The following EFHB variants were observed in gnomAD, a reference collection of about 807,000 sequenced individuals.
EFHB encodes the protein EF-hand domain family member B, also known as EF-hand domain-containing family member B.
In EFHB, 91 loss-of-function variants were observed where a neutral mutation model predicts 87.2. The ratio of observed to expected loss-of-function variants is 1.04; its 90% CI spans 0.88 to 1.24. EFHB has a LOEUF of 1.24. Ranked by LOEUF, EFHB falls within the 50% of genes most tolerant of loss-of-function variation. The pLI is 0.00. For missense variants in EFHB, 1,084 were observed against 998.8 expected (o/e 1.09, Z -1.15); for synonymous variants, 325 against 333.6 (o/e 0.97, Z 0.28).
upstream of EFHB, among the ~76,000 whole-genome samples, chr3:19,935,835 C>A (rs1177146427): frequency 6.6e-6 from 1 of 151,480 alleles, no homozygotes; most frequent in Non-Finnish European, 1.5e-5. Flanking sequence ...CATGGTGAAA[C>A]CCCGTTTCTA....
intron 7 of EFHB, 100 bp from the exon 8 acceptor site, chr3:19,898,945 C>G (rs1694576953): frequency 3.4e-6 from 4 of 1,160,658 alleles, no homozygotes; most frequent in Non-Finnish European, 5.0e-6. Flanking sequence ...CATATTTTAT[C>G]TCATAACCAA....
rs535019143 is a variant in EFHB at position 19,915,212 on chromosome 3, A to G, written c.1288+91T>C. 8 of 741,580 alleles carry G rather than the reference A, an allele frequency of 1.1e-5. No homozygotes were observed. The East Asian group carries it at 2.1e-4, about 20-fold the overall frequency. The allele number at this position is 741,580 out of a possible 1,614,324, so 45.9% of individuals were successfully genotyped here. A position where few individuals can be genotyped will look rare whatever the true frequency, so the allele number is the denominator to read the frequency against. ...ATTAGTTACCTATTACATGGCAGGC[A>G]TTTAACTTTATGTACCAATTTCCTT... is the stretch of plus-strand genomic sequence containing the variant. On this transcript the variant is annotated intron_variant, in intron 5 of 12. Transcript: ENST00000295824.
Position 19,918,296 on chromosome 3 carries a change from T to C in EFHB, c.1113A>G (p.Gln371=). 1 of 1,613,706 alleles carries C rather than the reference T, an allele frequency of 6.2e-7. No homozygotes were observed. The highest frequency in any genetic ancestry group is 8.5e-7 in the Non-Finnish European group (1 of 1,179,816). The part of the protein sequence containing the change: ...RRAPLGKSHD[Q]APGLPKGMDT... ...CCATGCCTTTTGGTAATCCTGGTGCTTGATCGTGAGATTTTCCTAATGGTG... is the reference window on the plus strand; with the variant it reads ...CCATGCCTTTTGGTAATCCTGGTGCCTGATCGTGAGATTTTCCTAATGGTG... The change falls in exon 4 of 13, where the codon CAA becomes CAG. Residue 371 remains glutamine, a synonymous_variant. Coordinates refer to ENST00000295824, the MANE Select transcript of EFHB (RefSeq NM_144715.4).
intron 1 of EFHB, among the ~76,000 whole-genome samples, chr3:19,926,994 C>A (rs1695654260): frequency 6.6e-6 from 1 of 151,984 alleles, no homozygotes; most frequent in African/African-American, 2.4e-5. Context: ...CTCACTCTGT[C>A]AACCAGGCTG....
chr3:19,884,667 T>C, intron 10 of EFHB, 52 bp from the exon 11 acceptor site: 1 of 1,534,592 alleles, frequency 6.5e-7, no homozygotes, highest in Non-Finnish European at 8.9e-7. Context: ...TACTACTTAG[T>C]GCTTGCTGCT....
rs933160713 is a variant in EFHB, at chr3:19,933,493, T to C, written c.526A>G (p.Thr176Ala). 1 of 1,613,836 alleles carries C rather than the reference T, an allele frequency of 6.2e-7. No individual in the cohort carries two copies. The highest frequency in any genetic ancestry group is 8.5e-7 in the Non-Finnish European group (1 of 1,179,896). The stretch of plus-strand genomic sequence containing the variant: ...GTGTTGGGTTTCATTAAAACACAGG[T>C]AGACTCTTTTTCCATTTCCTGTCTT... ...EPRQEMEKES[T>A]CVLMKPNTEI... is the part of the protein sequence containing the mutation. Residue 176 changes from threonine to alanine, a missense_variant, in exon 1 of 13, where the codon ACC becomes GCC. Thr to Ala is a moderately conservative substitution (Grantham distance 58, BLOSUM62 0). Transcript: ENST00000295824.
chr3:19,931,371 A>C (rs1284017570), intron 1 of EFHB, among the ~76,000 whole-genome samples: 1 of 152,224 alleles, frequency 6.6e-6, no homozygotes, highest in Non-Finnish European at 1.5e-5. Flanking sequence ...CCTGTGCTGG[A>C]AACTGGAAGC....
chr3:19,896,905 TA>T, intron 8 of EFHB, 64 bp from the exon 9 acceptor site: 5 of 1,422,024 alleles, frequency 3.5e-6, no homozygotes, highest in Admixed American at 2.7e-5. Flanking sequence ...TTCTATCTTT[TA>T]AAAAAAGTGA....
In EFHB at chr3:19,898,795, A is replaced by G; in HGVS notation, c.1553T>C (p.Leu518Pro). The change falls in exon 8 of 13, where the codon CTC becomes CCC. Residue 518 changes from leucine (L) to proline (P), a missense_variant. Leu to Pro is a moderately conservative substitution (Grantham distance 98, BLOSUM62 -3). Coordinates refer to ENST00000295824, the MANE Select transcript of EFHB (RefSeq NM_144715.4). ...ATATTTACCATATTCCTCAGGACGG[A>G]GACAAGCTCCAAATGTGCAGTCTGG... ...VPPDCTFGAC[L>P]RPEEYGVGDL... is the part of the protein sequence containing the mutation. The G allele has an allele frequency of 1.2e-6, 2 of 1,613,784 alleles. No homozygotes were observed. Among genetic ancestry groups the G allele is most frequent in the African/African-American group, 1.3e-5 (1 of 75,052 alleles).
chr3:19,928,729 G>GCCAC (rs1397834807), intron 1 of EFHB, among the ~76,000 whole-genome samples: 1 of 152,176 alleles, frequency 6.6e-6, no homozygotes, highest in Non-Finnish European at 1.5e-5. Context: ...TCAGGGGTGA[G>GCCAC]CCACCGTGCC....
At position 19,882,734 on chromosome 3, in the gene EFHB, A is replaced by T. The variant is rs1246785682; in HGVS notation, c.2147-3T>A. The T allele has an allele frequency of 3.1e-6, 5 of 1,608,830 alleles. No individual in the cohort carries two copies. The highest frequency in any genetic ancestry group is 4.2e-6 in the Non-Finnish European group (5 of 1,176,746). On this transcript the variant is annotated splice_polypyrimidine_tract_variant and splice_region_variant and intron_variant, in intron 11 of 12. Transcript: ENST00000295824. ...TGGAACACCACAAATGGGGTAACCTAGGTCATTGATGAGGGAAGAAAACAG... is the reference window on the plus strand; with the variant it reads ...TGGAACACCACAAATGGGGTAACCTTGGTCATTGATGAGGGAAGAAAACAG...
intron 5 of EFHB, among the ~76,000 whole-genome samples, chr3:19,910,627 A>C (rs761380219): frequency 6.6e-6 from 1 of 152,198 alleles, no homozygotes; most frequent in Non-Finnish European, 1.5e-5. Context: ...CCAGAGGTTG[A>C]GTACAGCAGG....
intron 1 of EFHB, among the ~76,000 whole-genome samples, chr3:19,924,221 T>C (rs1267973670): frequency 6.6e-6 from 1 of 151,650 alleles, no homozygotes; most frequent in African/African-American, 2.4e-5. Context: ...TCTCTCTTTT[T>C]TTTTTTTTTT....
chr3:19,898,711 C>G (rs1694565332), intron 8 of EFHB, 67 bp downstream of exon 8: 75 of 1,476,308 alleles, frequency 5.1e-5, no homozygotes, highest in Non-Finnish European at 7.1e-5. Flanking sequence ...AGCTTAACTG[C>G]ATAACTTTGT....
chr3:19,942,018 C>T (rs4302401), intron 1 of EFHB, among the ~76,000 whole-genome samples: 30,565 of 151,694 alleles, frequency 0.2, 3,766 homozygotes, highest in African/African-American at 0.34. Context: ...ATTACCCAGG[C>T]GTGGTGGTGG....
chr3:19,921,182 T>C (rs918927429), intron 1 of EFHB, among the ~76,000 whole-genome samples: 1 of 152,000 alleles, frequency 6.6e-6, no homozygotes, highest in Non-Finnish European at 1.5e-5. Context: ...AAATTGAGAA[T>C]GGAGTGGAGT....
intron 1 of EFHB, chr3:19,940,463 T>C: frequency 2.0e-6 from 1 of 492,878 alleles, no homozygotes; most frequent in Non-Finnish European, 4.1e-6. Flanking sequence ...ATAATTTCAT[T>C]ACGCCTGACA....
chr3:19,912,873 G>A (rs919548061), intron 5 of EFHB, among the ~76,000 whole-genome samples: 12 of 152,070 alleles, frequency 7.9e-5, no homozygotes, highest in African/African-American at 2.9e-4. Flanking sequence ...GTATTTTTCA[G>A]CATATGCAAA....
intron 1 of EFHB, among the ~76,000 whole-genome samples, chr3:19,926,678 T>TTTATTG (rs1695640785): frequency 1.2e-5 from 1 of 85,916 alleles, no homozygotes; most frequent in Non-Finnish European, 2.6e-5. Flanking sequence ...TATTTTTATT[T>TTTATTG]TTGAGACAGT....
Sources: gnomAD v4.1 joint callset for allele counts (sites outside exome capture counted in the v4.1 genomes callset) on GRCh38, gnomAD v4.1.1 for gene constraint, MANE v1.5 for transcripts, NCBI Gene and HGNC (gene_info 2026-07-23, HGNC 2026-07-21) for gene names.